The following OPN5 variants were observed in gnomAD, a reference collection of about 807,000 sequenced individuals.
OPN5 encodes the protein opsin 5.
In OPN5, 18 loss-of-function variants were observed where a neutral mutation model predicts 41.7. The observed-to-expected ratio is 0.43, with a 90% CI of 0.30 to 0.64. The LOEUF is 0.64. Among genes scored for constraint, OPN5 ranks in the 30% least tolerant of loss-of-function variants. The pLI, the probability that OPN5 is intolerant of heterozygous loss-of-function variation, is 0.13. For synonymous variants in OPN5, 178 were observed against 164.3 expected (o/e 1.08, Z -0.64); for missense variants, 318 against 434.5 (o/e 0.73, Z 2.38).
chr6:47,795,725 C>A (rs113697271), intron 4 of OPN5, among the ~76,000 whole-genome samples, 162 bp downstream of exon 4: 2,273 of 151,838 alleles, frequency 0.015, 63 homozygotes, highest in African/African-American at 0.051. Context: ...TGTGGTATCT[C>A]TCTCCTCTTT....
At chr6:47,790,443 A>G (rs1773334829) in intron 2 of OPN5, among the ~76,000 whole-genome samples, 1 of 152,050 alleles carries the variant, frequency 6.6e-6, no homozygotes, top group African/African-American at 2.4e-5. Context: ...GAGGAGCTCC[A>G]TGAATCCTCT....
intron 4 of OPN5, among the ~76,000 whole-genome samples, chr6:47,802,369 C>T (rs1773809184): frequency 6.6e-6 from 1 of 152,042 alleles, no homozygotes; most frequent in South Asian, 2.1e-4. Context: ...AACCAGTATC[C>T]TTTAAATAAA....
At chr6:47,808,009 G>A in intron 4 of OPN5, 145 bp from the exon 5 acceptor site, 1 of 770,784 alleles carries the variant, frequency 1.3e-6, no homozygotes, top group Non-Finnish European at 2.2e-6. Flanking sequence ...CATATGAAAT[G>A]ATTCCTATGT....
In OPN5 at chr6:47,795,191, C is replaced by T; in HGVS notation, c.422-38C>T. 2 of 1,458,480 alleles carry T rather than the reference C, an allele frequency of 1.4e-6. 1 individual carries two copies. The highest frequency in any genetic ancestry group is 1.9e-6 in the Non-Finnish European group (2 of 1,078,968). 90.3% of individuals were successfully genotyped at this position (1,458,480 alleles called of 1,614,324 possible). ...CGAGGGGAGGTATCTGGGTGTAGGG[C>T]AGATTACATCCGGGTAATGCTTTTC... On this transcript the variant is annotated intron_variant, in intron 3 of 6. Transcript: ENST00000371211.
intron 6 of OPN5, among the ~76,000 whole-genome samples, chr6:47,820,401 G>C (rs1273482803): frequency 6.6e-6 from 1 of 152,110 alleles, no homozygotes; most frequent in Non-Finnish European, 1.5e-5. Flanking sequence ...GTGACTCTTA[G>C]TACTTTGCTA....
At chr6:47,808,505 G>A (rs913830930) in intron 5 of OPN5, 110 bp downstream of exon 5, 1 of 1,178,764 alleles carries the variant, frequency 8.5e-7, no homozygotes, top group African/African-American at 1.5e-5. Context: ...CATCGCCTAG[G>A]AGTAGTGTAG....
intron 6 of OPN5, among the ~76,000 whole-genome samples, chr6:47,822,430 C>T (rs1762656235): frequency 6.6e-6 from 1 of 152,138 alleles, no homozygotes; most frequent in Non-Finnish European, 1.5e-5. Context: ...GAATATTTTC[C>T]TTACACCCAA....
intron 4 of OPN5, among the ~76,000 whole-genome samples, chr6:47,799,350 A>G (rs1020672421): frequency 8.8e-4 from 134 of 152,264 alleles, no homozygotes; most frequent in Middle Eastern, 3.4e-3. Flanking sequence ...TTGGACAGTC[A>G]AGATAAATTC....
chr6:47,819,400 A>ATATATATATATATATATATATATATAT (rs1762535695), intron 6 of OPN5, among the ~76,000 whole-genome samples: 2 of 131,776 alleles, frequency 1.5e-5, no homozygotes, highest in African/African-American at 5.4e-5. Flanking sequence ...ATATATATAT[A>ATATATATATATATATATATATATATAT]AAACAGTATA....
chr6:47,785,872 C>T (rs769649379), intron 1 of OPN5, among the ~76,000 whole-genome samples: 2 of 152,202 alleles, frequency 1.3e-5, no homozygotes, highest in Admixed American at 6.5e-5. Context: ...CCCAGGTTCT[C>T]GATTGTCACC....
Position 47,797,309 on chromosome 6 carries a change from T to C in OPN5, c.756+1746T>C, listed in dbSNP as rs536526974. On this transcript the variant is annotated intron_variant, in intron 4 of 6. Transcript: ENST00000371211. ...TGATAGCTTAATAATAGAACAGTTCTTGGACAAAAATGCAGACTCAGGAAG... is the reference window on the plus strand; with the variant it reads ...TGATAGCTTAATAATAGAACAGTTCCTGGACAAAAATGCAGACTCAGGAAG... Among the ~76,000 whole-genome samples the C allele has an allele frequency of 3.4e-4, 52 of 152,326 alleles. No individual in the cohort carries two copies. In the South Asian group the frequency reaches 0.01, roughly 30 times the overall value.
chr6:47,808,331 A>C (rs575735180), exon 5 of OPN5: 1 of 1,614,052 alleles, frequency 6.2e-7, no homozygotes, highest in East Asian at 2.2e-5. Context: ...TATTGATTAC[A>C]AATTTGCCTG....
chr6:47,814,032 GATTATATC>G (rs1218077100), intron 6 of OPN5, among the ~76,000 whole-genome samples: 1 of 152,056 alleles, frequency 6.6e-6, no homozygotes. Flanking sequence ...ATGATATATA[GATTATATC>G]ATTATATCAT....
chr6:47,786,606 T>C (rs1323816657), exon 2 of OPN5: 1 of 1,613,518 alleles, frequency 6.2e-7, no homozygotes, highest in East Asian at 2.2e-5. Context: ...TGACTATCAA[T>C]TTAGCAGTCT....
chr6:47,790,931 T>C (rs1345758559), intron 2 of OPN5, among the ~76,000 whole-genome samples: 2 of 152,104 alleles, frequency 1.3e-5, no homozygotes, highest in Non-Finnish European at 2.9e-5. Context: ...GGATGCAGCT[T>C]CCAAAAGAAA....
chr6:47,791,690 T>G, intron 2 of OPN5, 112 bp from the exon 3 acceptor site: 1 of 763,376 alleles, frequency 1.3e-6, no homozygotes, highest in South Asian at 1.7e-5. Context: ...AGGGTGTGTG[T>G]GTGCGTTCAC....
At chr6:47,814,860 A>C (rs1029480923) in intron 6 of OPN5, among the ~76,000 whole-genome samples, 1 of 152,148 alleles carries the variant, frequency 6.6e-6, no homozygotes, top group Non-Finnish European at 1.5e-5. Context: ...TTGGGTTCTC[A>C]TAACTGGCCC....
intron 2 of OPN5, among the ~76,000 whole-genome samples, chr6:47,790,098 C>T (rs758483944): frequency 6.6e-6 from 1 of 151,610 alleles, no homozygotes; most frequent in African/African-American, 2.4e-5. Flanking sequence ...ATAGCTATAC[C>T]GTATTTGAAT....
exon 7 of OPN5, chr6:47,824,235 C>A (rs772993839): frequency 2.0e-5 from 11 of 557,174 alleles, no homozygotes; most frequent in Non-Finnish European, 3.5e-5. Context: ...GCCAGAAACC[C>A]ACGCTTTAAA....
Sources: gnomAD v4.1 joint callset for allele counts (sites outside exome capture counted in the v4.1 genomes callset) on GRCh38, gnomAD v4.1.1 for gene constraint, MANE v1.5 for transcripts, NCBI Gene and HGNC (gene_info 2026-07-23, HGNC 2026-07-21) for gene names.